Variants in TRAPPC12 observed in about 807,000 individuals in gnomAD.
The protein encoded by TRAPPC12 is trafficking protein particle complex subunit 12, also known as TPR repeat protein 15.
In TRAPPC12, 61 loss-of-function variants were observed where a neutral mutation model predicts 69.2. That is an observed-to-expected ratio of 0.88 (90% CI 0.72 to 1.09). The LOEUF is 1.09. TRAPPC12 is among the 50% of genes least tolerant of loss of function. The probability of loss-of-function intolerance (pLI) is 0.00; values close to 1 mark genes in which losing one functional copy is unlikely to be tolerated. For missense variants in TRAPPC12, 1,101 were observed against 1,016.4 expected, an observed-to-expected ratio of 1.08 and a Z score of -1.13; for synonymous variants, 469 against 438.9, an observed-to-expected ratio of 1.07 and a Z score of -0.86.
chr2:3,425,294 T>C (rs1663040944), intron 5 of TRAPPC12, among the ~76,000 whole-genome samples: 1 of 152,184 alleles, frequency 6.6e-6, no homozygotes, highest in Non-Finnish European at 1.5e-5. Flanking sequence ...CTCATAAATA[T>C]GTTTGAAGCC....
intron 1 of TRAPPC12, among the ~76,000 whole-genome samples, chr2:3,382,422 C>G (rs1330765998): frequency 1.3e-5 from 2 of 152,064 alleles, no homozygotes; most frequent in African/African-American, 4.8e-5. Context: ...TGTGAGCCAC[C>G]ACGCCCAGCC....
intron 8 of TRAPPC12, among the ~76,000 whole-genome samples, chr2:3,463,429 G>A (rs1002457139): frequency 4.0e-5 from 6 of 151,438 alleles, no homozygotes; most frequent in Non-Finnish European, 5.9e-5. Context: ...TCTCTGCCGC[G>A]CCTGCCCCCG....
chr2:3,459,869 G>A (rs772528537), intron 7 of TRAPPC12: 16 of 325,956 alleles, frequency 4.9e-5, no homozygotes, highest in Non-Finnish European at 7.6e-5. Flanking sequence ...AGAGGCTGGC[G>A]GCCACCCTGG....
intron 6 of TRAPPC12, among the ~76,000 whole-genome samples, chr2:3,450,496 G>T (rs909629908): frequency 6.6e-6 from 1 of 152,204 alleles, no homozygotes; most frequent in Non-Finnish European, 1.5e-5. Flanking sequence ...CCTCCAGCCT[G>T]TGTCCGCTTC....
chr2:3,458,044 AGGCCTCTGCGTCGGG>A (rs1665266089), intron 7 of TRAPPC12: 1 of 364,534 alleles, frequency 2.7e-6, no homozygotes, highest in African/African-American at 6.9e-4. Context: ...TCGGGGAGAG[AGGCCTCTGCGTCGGG>A]GACAGAGGCC....
chr2:3,438,391 A>C (rs1384967496), intron 5 of TRAPPC12, among the ~76,000 whole-genome samples: 4 of 75,534 alleles, frequency 5.3e-5, no homozygotes, highest in African/African-American at 1.1e-4. Flanking sequence ...ATCCCCCATC[A>C]CCCCTGGATT....
chr2:3,439,458 AT>A (rs761634976), intron 5 of TRAPPC12, among the ~76,000 whole-genome samples: 1 of 152,122 alleles, frequency 6.6e-6, no homozygotes, highest in African/African-American at 2.4e-5. Context: ...TAGTTTTTGT[AT>A]TTTTTGTAGA....
At chr2:3,477,365 TTA>T (rs1410104111) in intron 9 of TRAPPC12, among the ~76,000 whole-genome samples, 1 of 152,246 alleles carries the variant, frequency 6.6e-6, no homozygotes. Flanking sequence ...TTTAAGTATT[TTA>T]TGTTTCATCT....
chr2:3,449,898 G>C (rs542168870), intron 6 of TRAPPC12, among the ~76,000 whole-genome samples: 1 of 152,272 alleles, frequency 6.6e-6, no homozygotes, highest in African/African-American at 2.4e-5. Flanking sequence ...AGGAAAGGCC[G>C]AGTGAGGATG....
intron 2 of TRAPPC12, among the ~76,000 whole-genome samples, chr2:3,395,807 C>A (rs1051865776): frequency 6.6e-6 from 1 of 151,650 alleles, no homozygotes; most frequent in Non-Finnish European, 1.5e-5. Flanking sequence ...TCAGCTCACT[C>A]CAACCTCCAC....
rs531374197 is a variant in TRAPPC12 at position 3,471,526 on chromosome 2, G to A, written c.1776+5831G>A. On this transcript the variant is annotated intron_variant, in intron 9 of 11. Coordinates refer to ENST00000324266, the MANE Select transcript of TRAPPC12 (RefSeq NM_016030.6). ...ACAGAGCCTCCTTTAGAGCACCAGG[G>A]CCTCCACACAGCAAGGGGGCTGGGG... Among the ~76,000 whole-genome samples the A allele has an allele frequency of 3.3e-5, 5 of 152,272 alleles. No homozygotes were observed. In the East Asian group the frequency reaches 7.7e-4, roughly 24 times the overall value.
At chr2:3,420,905 C>G (rs1476617061) in intron 3 of TRAPPC12, among the ~76,000 whole-genome samples, 8 of 152,180 alleles carry the variant, frequency 5.3e-5, no homozygotes, top group Non-Finnish European at 1.0e-4. Flanking sequence ...CAGAGAAGCG[C>G]TTGGCATGCA....
chr2:3,475,350 C>T (rs1289933921), intron 9 of TRAPPC12, among the ~76,000 whole-genome samples: 4 of 151,966 alleles, frequency 2.6e-5, no homozygotes, highest in Admixed American at 6.6e-5. Flanking sequence ...TGAAATTCAG[C>T]GATCCTCCCA....
intron 6 of TRAPPC12, among the ~76,000 whole-genome samples, chr2:3,446,185 C>G (rs1447761579): frequency 6.6e-6 from 1 of 152,216 alleles, no homozygotes; most frequent in Non-Finnish European, 1.5e-5. Context: ...CTTCAGGTAT[C>G]TCTCATGTTT....
chr2:3,458,566 G>A (rs1665308989), intron 7 of TRAPPC12: 1 of 528,120 alleles, frequency 1.9e-6, no homozygotes, highest in Non-Finnish European at 2.4e-6. Flanking sequence ...TGTGGCATGT[G>A]GTGTGGGTGT....
chr2:3,425,790 C>G (rs1663069308), intron 5 of TRAPPC12, among the ~76,000 whole-genome samples: 1 of 152,012 alleles, frequency 6.6e-6, no homozygotes, highest in Non-Finnish European at 1.5e-5. Flanking sequence ...ATGCAAAGGC[C>G]TGATTAATAA....
chr2:3,470,111 G>C (rs370002148), intron 9 of TRAPPC12, among the ~76,000 whole-genome samples: 41 of 152,218 alleles, frequency 2.7e-4, no homozygotes, highest in East Asian at 1.3e-3. Flanking sequence ...GTCCCCAGCA[G>C]GTAGGGAAAC....
chr2:3,457,928 C>T, intron 7 of TRAPPC12: 1 of 1,402,882 alleles, frequency 7.1e-7, no homozygotes, highest in Non-Finnish European at 9.2e-7. Context: ...AGAAGACACG[C>T]CTTCACCACA....
intron 9 of TRAPPC12, among the ~76,000 whole-genome samples, chr2:3,476,475 C>G (rs923816341): frequency 6.6e-6 from 1 of 152,218 alleles, no homozygotes; most frequent in Non-Finnish European, 1.5e-5. Context: ...GAACTTAGAA[C>G]ACCCAAATCC....
Sources: allele counts gnomAD v4.1 joint callset (sites outside exome capture counted in the v4.1 genomes callset), GRCh38; gene constraint gnomAD v4.1.1; transcripts MANE v1.5; gene names NCBI Gene and HGNC (gene_info 2026-07-23, HGNC 2026-07-21).